Variants in CREB3L2 observed in about 807,000 individuals in gnomAD.
CREB3L2 encodes the protein cAMP responsive element binding protein 3 like 2, also known as cyclic AMP-responsive element-binding protein 3-like protein 2.
In CREB3L2, 23 loss-of-function variants were observed where a neutral mutation model predicts 57.2. The observed-to-expected ratio is 0.40, with a 90% CI of 0.29 to 0.57. The LOEUF is 0.57. Ranked by LOEUF, CREB3L2 falls within the 20% of genes least tolerant of loss-of-function variation. The probability of loss-of-function intolerance (pLI) is 0.42; values close to 1 mark genes in which losing one functional copy is unlikely to be tolerated. For missense variants in CREB3L2, 628 were observed against 634.7 expected (o/e 0.99, Z 0.11); for synonymous variants, 268 against 265.1 (o/e 1.01, Z -0.11).
chr7:137,929,617 C>T (rs1049820217), intron 1 of CREB3L2, among the ~76,000 whole-genome samples: 2 of 151,472 alleles, frequency 1.3e-5, no homozygotes, highest in Non-Finnish European at 1.5e-5. Flanking sequence ...AATCCCAGGA[C>T]TTTGGGAGGC....
rs549498653 is a variant in CREB3L2 at position 137,891,389 on chromosome 7, TG to T, written c.1044-5888del. 8.5e-4 allele frequency among the ~76,000 whole-genome samples: 129 copies of T among 152,336 alleles called. 3 individuals are homozygous for T. The highest frequency in any genetic ancestry group is 2.9e-3 in the African/African-American group (120 of 41,572). ...GTCTTTGGTTTAATTTTGCTTTTTG[TG>T]TGTGTTTCCTTATTTACAAAAGAAA... is the stretch of plus-strand genomic sequence containing the variant. On this transcript the variant is annotated intron_variant, in intron 8 of 11. Coordinates refer to ENST00000330387, the MANE Select transcript of CREB3L2 (RefSeq NM_194071.4).
chr7:137,942,474 GT>G (rs1322082340), intron 1 of CREB3L2, among the ~76,000 whole-genome samples: 1 of 152,206 alleles, frequency 6.6e-6, no homozygotes, highest in East Asian at 1.9e-4. Flanking sequence ...GATAGTGGTA[GT>G]GGTTCAGTGT....
intron 2 of CREB3L2, among the ~76,000 whole-genome samples, chr7:137,919,395 C>CAGGA (rs1479380351): frequency 6.6e-6 from 1 of 152,110 alleles, no homozygotes; most frequent in Non-Finnish European, 1.5e-5. Context: ...TGGTCTCAAA[C>CAGGA]TCCTGACCTC....
chr7:137,903,211 T>C (rs1799801614), intron 7 of CREB3L2, among the ~76,000 whole-genome samples: 2 of 152,160 alleles, frequency 1.3e-5, no homozygotes, highest in Non-Finnish European at 2.9e-5. Flanking sequence ...TAATGCTGCA[T>C]TACCAGTACT....
At chr7:137,939,821 G>A (rs1800851824) in intron 1 of CREB3L2, among the ~76,000 whole-genome samples, 1 of 152,074 alleles carries the variant, frequency 6.6e-6, no homozygotes, top group African/African-American at 2.4e-5. Flanking sequence ...CCGCAATCTT[G>A]GATGGGAGTG....
intron 2 of CREB3L2, among the ~76,000 whole-genome samples, chr7:137,917,289 T>C (rs187805477): frequency 2.6e-5 from 4 of 152,246 alleles, no homozygotes; most frequent in East Asian, 3.9e-4. Flanking sequence ...ACAAGTTACT[T>C]TGGAGCTAGC....
chr7:137,902,099 CAGA>C (rs1799774324), intron 7 of CREB3L2, among the ~76,000 whole-genome samples: 1 of 144,544 alleles, frequency 6.9e-6, no homozygotes, highest in Non-Finnish European at 1.5e-5. Context: ...GAGGCTGAGA[CAGA>C]AGAGTCACTT....
chr7:137,875,951 C>T lies in CREB3L2; in HGVS notation c.*4525G>A. 4.4e-6 allele frequency: 1 copy of T among 226,082 alleles called. No homozygotes were observed. The allele number at this position is 226,082 out of a possible 1,614,324, so 14.0% of individuals were successfully genotyped here. The stretch of plus-strand genomic sequence containing the variant: ...TTTTTTCCTGTGTTAAGTGCTGACC[C>T]TTTGACCACAAAGGCATGGAACATT... On this transcript the variant is annotated 3_prime_UTR_variant, in exon 12 of 12. Coordinates refer to ENST00000330387, the MANE Select transcript of CREB3L2 (RefSeq NM_194071.4).
rs1056594987 is a variant in CREB3L2, at chr7:137,880,882, G to A, written c.1488-331C>T. On this transcript the variant is annotated intron_variant, in intron 11 of 11. Coordinates refer to ENST00000330387, the MANE Select transcript of CREB3L2 (RefSeq NM_194071.4). The surrounding 1 kb of genome is among the most constrained non-coding windows in gnomAD (Gnocchi z 4.0). The stretch of plus-strand genomic sequence containing the variant: ...TGTTTAGCCCTATGCTAAACTCAGG[G>A]AAGGAGAAAATAAAATGATAAGAGC... Among the ~76,000 whole-genome samples the A allele has an allele frequency of 6.6e-6, 1 of 152,168 alleles. No individual in the cohort carries two copies. The highest frequency in any genetic ancestry group is 2.4e-5 in the African/African-American group (1 of 41,428).
chr7:137,944,114 T>A (rs1471854871), intron 1 of CREB3L2, among the ~76,000 whole-genome samples: 2 of 152,228 alleles, frequency 1.3e-5, no homozygotes, highest in Non-Finnish European at 2.9e-5. Context: ...TCTGGGTGTC[T>A]AATAGGTTAA....
chr7:137,895,741 T>C lies in CREB3L2; in HGVS notation c.1043+5613A>G, dbSNP rs545071818. On this transcript the variant is annotated intron_variant, in intron 8 of 11. Transcript: ENST00000330387. Reference sequence around the variant, plus strand: ...CGAAAGTCCCCTGTGGGGTATTGTATAGGGGTGGAAAAAAGTAAAGAGGTA... The same window carrying C: ...CGAAAGTCCCCTGTGGGGTATTGTACAGGGGTGGAAAAAAGTAAAGAGGTA... Among the ~76,000 whole-genome samples, 7 of 152,068 alleles carry C rather than the reference T, an allele frequency of 4.6e-5. No individual in the cohort carries two copies. In the East Asian group the frequency reaches 9.7e-4, roughly 21 times the overall value.
chr7:137,924,653 T>C (rs991925001), intron 2 of CREB3L2, among the ~76,000 whole-genome samples: 4 of 152,234 alleles, frequency 2.6e-5, no homozygotes, highest in East Asian at 1.9e-4. Flanking sequence ...TCCTTTTTTT[T>C]TGGTGTTTTC....
intron 5 of CREB3L2, among the ~76,000 whole-genome samples, chr7:137,907,419 G>T (rs1311677134): frequency 6.6e-6 from 1 of 152,184 alleles, no homozygotes; most frequent in Non-Finnish European, 1.5e-5. Context: ...AGGTGAAAAG[G>T]TGAAGAAAGA....
intron 6 of CREB3L2, among the ~76,000 whole-genome samples, chr7:137,905,392 TA>T (rs35597981): frequency 0.53 from 72,215 of 137,416 alleles, 21,751 homozygotes; most frequent in East Asian, 0.69. Context: ...AAGGCTGAGT[TA>T]AAAAAAAAAA....
Position 137,980,441 on chromosome 7 carries a change from G to A in CREB3L2, c.102+21163C>T, listed in dbSNP as rs113466045. ...GCCTGGCCTGGGGCAGCTCAGGAGA[G>A]TGGTCACCCAGGCTGAGTTATGCAA... On this transcript the variant is annotated intron_variant, in intron 1 of 11. Transcript: ENST00000330387. This position sits in a 1 kb window ranked among gnomAD's most constrained non-coding sequence, Gnocchi z 4.3. Among the ~76,000 whole-genome samples, 2 of 152,242 alleles carry A rather than the reference G, an allele frequency of 1.3e-5. No homozygotes were observed. Among genetic ancestry groups the A allele is most frequent in the Admixed American group, 1.3e-4 (2 of 15,286 alleles).
At chr7:137,918,366 T>C (rs955212801) in intron 2 of CREB3L2, among the ~76,000 whole-genome samples, 1 of 152,136 alleles carries the variant, frequency 6.6e-6, no homozygotes, top group Non-Finnish European at 1.5e-5. Flanking sequence ...AATTTTTATA[T>C]TTTTAGTAGA....
intron 1 of CREB3L2, among the ~76,000 whole-genome samples, chr7:137,933,167 T>A (rs1800693596): frequency 6.6e-6 from 1 of 152,204 alleles, no homozygotes; most frequent in Admixed American, 6.5e-5. Context: ...TTGACAGAGA[T>A]CCTTTGAAGA....
At chr7:137,931,011 C>T (rs997926995) in intron 1 of CREB3L2, among the ~76,000 whole-genome samples, 1 of 151,084 alleles carries the variant, frequency 6.6e-6, no homozygotes, top group African/African-American at 2.4e-5. Flanking sequence ...GCAAGAGGAT[C>T]AGTTGAGCCC....
At chr7:137,937,222 A>G (rs1185197042) in intron 1 of CREB3L2, among the ~76,000 whole-genome samples, 2 of 152,200 alleles carry the variant, frequency 1.3e-5, no homozygotes, top group African/African-American at 2.4e-5. Context: ...CCTCCCAAAG[A>G]CTGGAGCCAT....
Sources: gnomAD v4.1 joint callset for allele counts (sites outside exome capture counted in the v4.1 genomes callset) on GRCh38, gnomAD v4.1.1 for gene constraint, Gnocchi (gnomAD v3.1) non-coding constraint, MANE v1.5 for transcripts, NCBI Gene and HGNC (gene_info 2026-07-23, HGNC 2026-07-21) for gene names.